Variants in MALRD1 observed in about 807,000 individuals in gnomAD.
MALRD1 encodes MAM and LDL-receptor class A domain-containing protein 1.
MALRD1 carries 247 observed loss-of-function variants against 242.1 expected under a neutral mutation model. The observed-to-expected ratio is 1.02, with a 90% CI of 0.92 to 1.13. The LOEUF is 1.13. Among genes scored for constraint, MALRD1 ranks in the 50% most tolerant of loss-of-function variants. The pLI, the probability that MALRD1 is intolerant of heterozygous loss-of-function variation, is 0.00. For synonymous variants in MALRD1, 995 were observed against 866.6 expected (o/e 1.15, Z -2.60); for missense variants, 2,989 against 2,533.1 (o/e 1.18, Z -3.86).
chr10:19,699,498 G>A (rs1041184977), intron 38 of MALRD1, among the ~76,000 whole-genome samples: 4 of 152,108 alleles, frequency 2.6e-5, no homozygotes, highest in African/African-American at 7.2e-5. Context: ...TTCCTGGAGA[G>A]GGCAATAGGG....
chr10:19,159,026 A>G (rs1834284259), intron 12 of MALRD1, among the ~76,000 whole-genome samples: 1 of 152,240 alleles, frequency 6.6e-6, no homozygotes, highest in African/African-American at 2.4e-5. Flanking sequence ...GCAACAGTCT[A>G]CAGAGGAAAG....
At chr10:19,109,160 G>T (rs1836583730) in intron 5 of MALRD1, among the ~76,000 whole-genome samples, 1 of 152,160 alleles carries the variant, frequency 6.6e-6, no homozygotes, top group African/African-American at 2.4e-5. Flanking sequence ...CATTGGCTCA[G>T]GTTATAGGAG....
At chr10:19,297,074 G>A (rs969230260) in intron 21 of MALRD1, among the ~76,000 whole-genome samples, 1 of 149,990 alleles carries the variant, frequency 6.7e-6, no homozygotes, top group Non-Finnish European at 1.5e-5. Flanking sequence ...TTTTCTCTTG[G>A]TATTATCTTT....
intron 5 of MALRD1, among the ~76,000 whole-genome samples, chr10:19,113,317 A>G (rs1836746561): frequency 6.6e-6 from 1 of 152,124 alleles, no homozygotes; most frequent in Non-Finnish European, 1.5e-5. Context: ...AATTCCCCCA[A>G]GAATCCCATA....
chr10:19,067,275 A>AG (rs1291003209), intron 2 of MALRD1, among the ~76,000 whole-genome samples: 3 of 152,268 alleles, frequency 2.0e-5, no homozygotes, highest in Non-Finnish European at 4.4e-5. Flanking sequence ...TGTTTAATCA[A>AG]GTTGACTAGA....
chr10:19,719,244 A>G (rs11011266), intron 38 of MALRD1, among the ~76,000 whole-genome samples: 2,165 of 96,892 alleles, frequency 0.022, 291 homozygotes, highest in African/African-American at 0.081. Context: ...ATATATATAT[A>G]TATATATATA....
chr10:19,177,664 G>A (rs1190657237), intron 14 of MALRD1, among the ~76,000 whole-genome samples: 1 of 152,078 alleles, frequency 6.6e-6, no homozygotes, highest in African/African-American at 2.4e-5. Context: ...GTTTTTATTT[G>A]TTTTTCAGCC....
chr10:19,585,005 C>T (rs1052294644), intron 33 of MALRD1, among the ~76,000 whole-genome samples: 6 of 152,068 alleles, frequency 3.9e-5, no homozygotes, highest in African/African-American at 1.4e-4. Context: ...CTTTTGATCT[C>T]TGTTGGTTTA....
chr10:19,290,961 A>G (rs1236341902), intron 21 of MALRD1, among the ~76,000 whole-genome samples: 5 of 152,094 alleles, frequency 3.3e-5, no homozygotes, highest in African/African-American at 4.8e-5. Context: ...CAGTGTTTCT[A>G]TAGTATGTAA....
At chr10:19,052,800 T>TA (rs1026786073) in intron 1 of MALRD1, among the ~76,000 whole-genome samples, 3 of 152,214 alleles carry the variant, frequency 2.0e-5, no homozygotes, top group African/African-American at 7.2e-5. Flanking sequence ...GCATAGGTTG[T>TA]AACCCCTCTA....
intron 29 of MALRD1, chr10:19,489,099 G>C (rs1327692326): frequency 2.2e-6 from 1 of 462,864 alleles, no homozygotes; most frequent in Non-Finnish European, 4.4e-6. Context: ...GAGCCAGAAT[G>C]CCCAAGAGGA....
intron 36 of MALRD1, among the ~76,000 whole-genome samples, chr10:19,650,274 C>T (rs181138910): frequency 2.6e-5 from 4 of 152,074 alleles, no homozygotes; most frequent in Non-Finnish European, 5.9e-5. Flanking sequence ...AAAAATATCA[C>T]TGAAAGCGAA....
rs73593859 is a variant in MALRD1 at position 19,253,029 on chromosome 10, G to A, written c.2992-4655G>A. Among the ~76,000 whole-genome samples the A allele has an allele frequency of 6.1e-3, 934 of 152,024 alleles. 12 individuals carry two copies. Among genetic ancestry groups the A allele is most frequent in the African/African-American group, 0.021 (886 of 41,482 alleles). On this transcript the variant is annotated intron_variant, in intron 18 of 39. Coordinates refer to ENST00000454679, the MANE Select transcript of MALRD1 (RefSeq NM_001142308.3). ...AGGTTATGTGGTTAAATATTAGATC[G>A]TTGTCTGAATGCGTTTATAAGAATT...
At chr10:19,254,925 G>T (rs1231406076) in intron 18 of MALRD1, among the ~76,000 whole-genome samples, 1 of 151,980 alleles carries the variant, frequency 6.6e-6, no homozygotes, top group African/African-American at 2.4e-5. Context: ...ACATGTGTTT[G>T]TATGTGAGGA....
intron 21 of MALRD1, among the ~76,000 whole-genome samples, chr10:19,301,378 A>T (rs1841944425): frequency 1.3e-5 from 2 of 151,830 alleles, no homozygotes; most frequent in African/African-American, 4.8e-5. Flanking sequence ...CCAAAGCAAT[A>T]TAAATCATTC....
intron 38 of MALRD1, among the ~76,000 whole-genome samples, chr10:19,711,698 G>A (rs1481502012): frequency 1.3e-5 from 2 of 152,190 alleles, no homozygotes; most frequent in Non-Finnish European, 2.9e-5. Context: ...CACAGACTGT[G>A]ACAGGGAATT....
At chr10:19,140,805 A>G (rs534773666) in intron 10 of MALRD1, among the ~76,000 whole-genome samples, 144 of 152,212 alleles carry the variant, frequency 9.5e-4, no homozygotes, top group Middle Eastern at 3.4e-3. Context: ...CGAAATGGGG[A>G]GGTATTGGTC....
intron 26 of MALRD1, among the ~76,000 whole-genome samples, chr10:19,370,618 C>T (rs866409503): frequency 1.3e-5 from 2 of 152,034 alleles, no homozygotes; most frequent in Admixed American, 6.6e-5. Context: ...GGCTCTGTTG[C>T]CCAGGGTTTA....
At chr10:19,097,229 A>G (rs1467265474) in intron 4 of MALRD1, among the ~76,000 whole-genome samples, 2 of 152,208 alleles carry the variant, frequency 1.3e-5, no homozygotes, top group Non-Finnish European at 2.9e-5. Flanking sequence ...ACTAAATCCC[A>G]TACCAGCTTA....
Sources: gnomAD v4.1 joint callset for allele counts (sites outside exome capture counted in the v4.1 genomes callset) on GRCh38, gnomAD v4.1.1 for gene constraint, MANE v1.5 for transcripts, NCBI Gene and HGNC (gene_info 2026-07-23, HGNC 2026-07-21) for gene names.